DSCAML1: variants seen among roughly 807,000 people sequenced by gnomAD.
DSCAML1 encodes cell adhesion molecule DSCAML1.
A neutral mutation model predicts 200.5 loss-of-function variants in DSCAML1; 38 were observed. The observed-to-expected ratio is 0.19, with a 90% confidence interval of 0.15 to 0.25. The LOEUF is 0.25. Ranked by LOEUF, DSCAML1 falls within the 10% of genes least tolerant of loss-of-function variation. DSCAML1 has a pLI of 1.00. For synonymous variants in DSCAML1, 1,215 were observed against 1,165.0 expected (o/e 1.04, Z -0.87); for missense variants, 2,223 against 2,858.8 (o/e 0.78, Z 5.07).
chr11:117,766,673 G>A (rs1316042512), intron 3 of DSCAML1, among the ~76,000 whole-genome samples: 1 of 152,332 alleles, frequency 6.6e-6, no homozygotes, highest in Non-Finnish European at 1.5e-5. Context: ...GCCTGCAATT[G>A]TCTTAAATCT....
In DSCAML1 at chr11:117,780,451, CTCCTCCTGTGCCACTGGGGCAGCCAGT is replaced by C. The variant is rs2055232883; in HGVS notation, c.364+15_364+41del. 1 of 1,400,520 alleles carries C rather than the reference CTCCTCCTGTGCCACTGGGGCAGCCAGT, an allele frequency of 7.1e-7. No individual in the cohort carries two copies. Among genetic ancestry groups the C allele is most frequent in the African/African-American group, 1.5e-5 (1 of 68,114 alleles). 86.8% of individuals were successfully genotyped at this position (1,400,520 alleles called of 1,614,324 possible). On this transcript the variant is annotated intron_variant, in intron 2 of 32. Transcript: ENST00000651296. The surrounding 1 kb of genome is among the most constrained non-coding windows in gnomAD (Gnocchi z 4.8). Reference sequence around the variant, plus strand: ...AATATCCTCAGAATGACGGCGCAGCCTCCTCCTGTGCCACTGGGGCAGCCAGTGTCTTGTCCCTTACCTGCTTTGACG... The same window carrying C: ...AATATCCTCAGAATGACGGCGCAGCCGTCTTGTCCCTTACCTGCTTTGACG...
chr11:117,439,681 A>C, intron 22 of DSCAML1, 138 bp downstream of exon 22: 1 of 878,962 alleles, frequency 1.1e-6, no homozygotes, highest in Non-Finnish European at 1.8e-6. Context: ...GAGCAGTAGC[A>C]GCACACCCTG....
intron 5 of DSCAML1, among the ~76,000 whole-genome samples, chr11:117,524,436 C>G (rs527250704): frequency 1.3e-5 from 2 of 152,226 alleles, no homozygotes; most frequent in African/African-American, 4.8e-5. Flanking sequence ...CCTACAAGCC[C>G]GGAAGCCCTG....
rs2048650709 is a variant in DSCAML1 at position 117,469,858 on chromosome 11, GGA to G, written c.3024+50_3024+51del. 4.6e-6 allele frequency: 7 copies of G among 1,527,714 alleles called. 1 individual carries two copies. The South Asian group carries it at 8.9e-5, about 19-fold the overall frequency. 94.6% of individuals were successfully genotyped at this position (1,527,714 alleles called of 1,614,324 possible). ...GCTGGGAGCTTTCGTCCTGGATTGA[GGA>G]GAGAGGAGGCAAGCAGACATTCCAG... is the stretch of plus-strand genomic sequence containing the variant. On this transcript the variant is annotated intron_variant, in intron 16 of 32. Coordinates refer to ENST00000651296, the MANE Select transcript of DSCAML1 (RefSeq NM_020693.4). The surrounding 1 kb of genome is among the most constrained non-coding windows in gnomAD (Gnocchi z 4.1).
Position 117,469,711 on chromosome 11 carries a change from G to A in DSCAML1, c.3024+199C>T, listed in dbSNP as rs1263791633. Among the ~76,000 whole-genome samples the A allele has an allele frequency of 3.3e-5, 5 of 152,264 alleles. No individual in the cohort carries two copies. The highest frequency in any genetic ancestry group is 1.2e-4 in the African/African-American group (5 of 41,558). ...TCAGAGAACCAGGGAGGAGAGGGAA[G>A]TGGGGATTATTGTGCTGGAGGGACC... On this transcript the variant is annotated intron_variant, in intron 16 of 32. Transcript: ENST00000651296. This position sits in a 1 kb window ranked among gnomAD's most constrained non-coding sequence, Gnocchi z 4.1.
Position 117,482,153 on chromosome 11 carries a change from A to G in DSCAML1, c.2369T>C (p.Met790Thr), listed in dbSNP as rs2137218217. 6.2e-7 allele frequency: 1 copy of G among 1,614,048 alleles called. No individual in the cohort carries two copies. Among genetic ancestry groups the G allele is most frequent in the Non-Finnish European group, 8.5e-7 (1 of 1,179,944 alleles). ...GGTGGTGTTGGGGTGGGAAGTGATC[A>G]TGGCCGGGACTGGGGGGCGGAGGCA... ...SMFLTVKIPA[M>T]ITSHPNTTIA... Residue 790 changes from methionine to threonine, a missense_variant, in exon 12 of 33, where the codon ATG (methionine) becomes ACG (threonine). This residue lies in a region of DSCAML1 where 438 missense variants were observed against 629.7 expected (regional missense o/e 0.70). Coordinates refer to ENST00000651296, the MANE Select transcript of DSCAML1 (RefSeq NM_020693.4).
intron 4 of DSCAML1, among the ~76,000 whole-genome samples, chr11:117,527,834 C>T (rs911216595): frequency 2.0e-5 from 3 of 152,228 alleles, no homozygotes; most frequent in Non-Finnish European, 2.9e-5. Context: ...AATCTCTGTT[C>T]TCTTCCCACC....
intron 3 of DSCAML1, among the ~76,000 whole-genome samples, chr11:117,629,924 C>T (rs149907572): frequency 6.6e-6 from 1 of 152,190 alleles, no homozygotes; most frequent in African/African-American, 2.4e-5. Context: ...AGGGTTGAGA[C>T]TGCTTGAGCC....
intron 3 of DSCAML1, among the ~76,000 whole-genome samples, chr11:117,545,864 C>T (rs1006250748): frequency 1.3e-5 from 2 of 152,260 alleles, no homozygotes; most frequent in African/African-American, 4.8e-5. Context: ...CACAGCGTCA[C>T]ACAACTCATC....
intron 1 of DSCAML1, among the ~76,000 whole-genome samples, chr11:117,785,539 G>A (rs903822123): frequency 6.6e-6 from 1 of 152,118 alleles, no homozygotes; most frequent in Non-Finnish European, 1.5e-5. Context: ...GGCCTCAGCG[G>A]TGGAAGACAG....
intron 21 of DSCAML1, among the ~76,000 whole-genome samples, chr11:117,440,337 T>C (rs1027031014): frequency 6.6e-6 from 1 of 152,032 alleles, no homozygotes; most frequent in African/African-American, 2.4e-5. Context: ...AAGTGGGCAG[T>C]GGAGGCAACG....
At chr11:117,590,737 G>A (rs116019858) in intron 3 of DSCAML1, among the ~76,000 whole-genome samples, 246 of 152,362 alleles carry the variant, frequency 1.6e-3, no homozygotes, top group African/African-American at 5.6e-3. Context: ...CCACTGTGCA[G>A]TGGGGTATGT....
At chr11:117,438,834 G>A (rs751075161) in intron 24 of DSCAML1, 51 bp downstream of exon 24, 18 of 1,436,850 alleles carry the variant, frequency 1.3e-5, no homozygotes, top group Admixed American at 3.1e-5. Flanking sequence ...TCCCTGCCCC[G>A]GGCCCAGAAT....
chr11:117,474,062 CG>C (rs2048740412), intron 14 of DSCAML1, among the ~76,000 whole-genome samples: 1 of 152,080 alleles, frequency 6.6e-6, no homozygotes, highest in African/African-American at 2.4e-5. Flanking sequence ...GAGACTGGGG[CG>C]GTGTGTCTGG....
intron 3 of DSCAML1, among the ~76,000 whole-genome samples, chr11:117,752,813 C>T (rs1296522611): frequency 2.0e-5 from 3 of 152,230 alleles, no homozygotes; most frequent in Admixed American, 6.5e-5. Flanking sequence ...GGCTGCAGCA[C>T]GAGGGCCCTG....
intron 1 of DSCAML1, among the ~76,000 whole-genome samples, chr11:117,814,815 C>T (rs556870877): frequency 2.6e-5 from 4 of 152,320 alleles, no homozygotes; most frequent in South Asian, 2.1e-4. Context: ...CCCCCTCCTG[C>T]CCCCTGGGGC....
intron 26 of DSCAML1, among the ~76,000 whole-genome samples, chr11:117,436,667 A>G (rs1027115719): frequency 8.5e-5 from 13 of 152,262 alleles, no homozygotes; most frequent in African/African-American, 2.9e-4. Flanking sequence ...GCAGGACTCC[A>G]AGAGAGCAAG....
intron 3 of DSCAML1, among the ~76,000 whole-genome samples, chr11:117,571,241 A>C (rs899628759): frequency 2.6e-5 from 4 of 152,240 alleles, no homozygotes; most frequent in African/African-American, 4.8e-5. Context: ...ATTTGAGAGC[A>C]GCAAAGGGCT....
intron 3 of DSCAML1, among the ~76,000 whole-genome samples, chr11:117,727,953 T>C (rs866892998): frequency 2.0e-5 from 3 of 152,230 alleles, no homozygotes; most frequent in South Asian, 2.1e-4. Flanking sequence ...AAGATTCTTA[T>C]AGATGAATTT....
Sources: allele counts gnomAD v4.1 joint callset (sites outside exome capture counted in the v4.1 genomes callset), GRCh38; gene constraint gnomAD v4.1.1; regional missense constraint gnomAD v4.1.1; non-coding constraint Gnocchi (gnomAD v3.1); transcripts MANE v1.5; gene names NCBI Gene and HGNC (gene_info 2026-07-23, HGNC 2026-07-21).